Variants in STRBP observed in about 807,000 individuals in gnomAD.
STRBP encodes the protein spermatid perinuclear RNA-binding protein.
In STRBP, 13 loss-of-function variants were observed where a neutral mutation model predicts 80.1. That is an observed-to-expected ratio of 0.16 (90% CI 0.11 to 0.26). STRBP has a LOEUF of 0.26. Ranked by LOEUF, STRBP falls within the 10% of genes least tolerant of loss-of-function variation. STRBP has a pLI of 1.00. For synonymous variants in STRBP, 284 were observed against 291.2 expected (o/e 0.98, Z 0.25); for missense variants, 485 against 815.2 (o/e 0.59, Z 4.93).
chr9:123,251,231 C>T (rs1209771056), intron 1 of STRBP, among the ~76,000 whole-genome samples: 1 of 151,362 alleles, frequency 6.6e-6, no homozygotes, highest in Non-Finnish European at 1.5e-5. Context: ...CTCCCTCTCT[C>T]AAAGAAGAAG....
chr9:123,225,950 C>T (rs904879464), intron 2 of STRBP, among the ~76,000 whole-genome samples: 31 of 152,292 alleles, frequency 2.0e-4, no homozygotes, highest in African/African-American at 7.0e-4. Context: ...CTCCCACACC[C>T]AAGGTATTTG....
intron 2 of STRBP, among the ~76,000 whole-genome samples, chr9:123,212,859 G>C (rs2039758989): frequency 2.0e-5 from 3 of 152,154 alleles, no homozygotes; most frequent in African/African-American, 7.2e-5. Flanking sequence ...CAAAATCTCA[G>C]TATTTCACAG....
chr9:123,252,071 A>G (rs1162958892), intron 1 of STRBP, among the ~76,000 whole-genome samples: 1 of 151,826 alleles, frequency 6.6e-6, no homozygotes, highest in Non-Finnish European at 1.5e-5. Flanking sequence ...CAATGAAGGT[A>G]TTTGCCAGGC....
rs140900498 is a variant in STRBP, at chr9:123,179,198, A to G, written c.33T>C (p.Asp11=). The G allele has an allele frequency of 7.9e-5, 127 of 1,609,802 alleles. No individual in the cohort carries two copies. In the African/African-American group the frequency reaches 1.2e-3, roughly 16 times the overall value. The change falls in exon 4 of 19, where the codon GAT becomes GAC. Residue 11 remains aspartate (D), a synonymous_variant. Coordinates refer to ENST00000348403, the MANE Select transcript of STRBP (RefSeq NM_018387.5). MRSIRSFAND[D]RHVMVKHSTI... ...TTGAATGTTTCACCATAACATGGCG[A>G]TCATCATTAGCAAAAGATCGAATAG...
chr9:123,170,140 A>G (rs2037946243), intron 5 of STRBP, 94 bp from the exon 6 acceptor site: 2 of 1,243,132 alleles, frequency 1.6e-6, no homozygotes, highest in East Asian at 5.5e-5. Context: ...CTCGAATGTT[A>G]CTATTAATAT....
chr9:123,121,242 A>C (rs1431311817), downstream of STRBP: 1 of 152,264 alleles, frequency 6.6e-6, no homozygotes, highest in Non-Finnish European at 1.5e-5. Context: ...TGAGTCATCA[A>C]AAGAAACTGC....
chr9:123,261,553 G>C (rs1182165881), intron 1 of STRBP, among the ~76,000 whole-genome samples: 2 of 152,082 alleles, frequency 1.3e-5, no homozygotes, highest in African/African-American at 4.8e-5. Flanking sequence ...AACTTCAAAA[G>C]TCAATGTTGT....
At chr9:123,237,137 A>G (rs1468836400) in intron 1 of STRBP, among the ~76,000 whole-genome samples, 171 bp from the exon 2 acceptor site, 1 of 152,178 alleles carries the variant, frequency 6.6e-6, no homozygotes, top group African/African-American at 2.4e-5. Flanking sequence ...ACTCCATCTC[A>G]ATAACAACAA....
At chr9:123,113,199 A>G (rs1431438929) in intron 3 of STRBP, 1 of 167,236 alleles carries the variant, frequency 6.0e-6, no homozygotes, top group Non-Finnish European at 1.5e-5. Flanking sequence ...AGCCAGTGAC[A>G]TTTCTAATAA....
chr9:123,173,313 G>A (rs534300101), intron 5 of STRBP, among the ~76,000 whole-genome samples: 3 of 152,278 alleles, frequency 2.0e-5, no homozygotes, highest in East Asian at 1.9e-4. Flanking sequence ...TCTCTTAGTC[G>A]CTAGAAAGTA....
At chr9:123,227,607 T>C (rs1416272504) in intron 2 of STRBP, among the ~76,000 whole-genome samples, 4 of 144,806 alleles carry the variant, frequency 2.8e-5, no homozygotes, top group African/African-American at 1.0e-4. Flanking sequence ...ACTCTGTCGC[T>C]CAGGCTGGAG....
chr9:123,255,082 T>A (rs919916831), intron 1 of STRBP, among the ~76,000 whole-genome samples: 2 of 152,208 alleles, frequency 1.3e-5, no homozygotes, highest in African/African-American at 4.8e-5. Flanking sequence ...TTTTTGTCTA[T>A]CATCTTTGGG....
chr9:123,230,613 A>G (rs2040369966), intron 2 of STRBP, among the ~76,000 whole-genome samples: 1 of 152,202 alleles, frequency 6.6e-6, no homozygotes, highest in Non-Finnish European at 1.5e-5. Flanking sequence ...TCCAGACTAC[A>G]TCACCCAATT....
chr9:123,119,304 G>A (rs994515779), downstream of STRBP, among the ~76,000 whole-genome samples: 8 of 151,902 alleles, frequency 5.3e-5, no homozygotes, highest in African/African-American at 1.2e-4. Flanking sequence ...AATTATTAAT[G>A]CACTGGTTGG....
chr9:123,148,672 C>T (rs1028146395), intron 11 of STRBP, among the ~76,000 whole-genome samples: 2 of 152,148 alleles, frequency 1.3e-5, no homozygotes, highest in African/African-American at 4.8e-5. Context: ...TATTCTTCTG[C>T]CTCTTCAAAT....
At chr9:123,220,742 G>A (rs1461537639) in intron 2 of STRBP, among the ~76,000 whole-genome samples, 8 of 152,146 alleles carry the variant, frequency 5.3e-5, no homozygotes, top group Non-Finnish European at 1.0e-4. Flanking sequence ...CCAAATAACT[G>A]AGGAGAAAAC....
intron 5 of STRBP, among the ~76,000 whole-genome samples, chr9:123,172,318 C>T (rs1447472913): frequency 2.0e-5 from 3 of 152,004 alleles, no homozygotes; most frequent in Non-Finnish European, 4.4e-5. Context: ...AGATTAAATG[C>T]TAAAACAAAA....
chr9:123,254,027 T>TA (rs1050708854), intron 1 of STRBP, among the ~76,000 whole-genome samples: 2 of 150,258 alleles, frequency 1.3e-5, no homozygotes, highest in Non-Finnish European at 3.0e-5. Flanking sequence ...GTTAGCCTTT[T>TA]AAAAAAACGT....
Position 123,122,565 on chromosome 9 carries a change from A to AC in STRBP, c.*3031dup, listed in dbSNP as rs939667452. The AC allele has an allele frequency of 1.8e-6, 2 of 1,127,870 alleles. No homozygotes were observed. The highest frequency in any genetic ancestry group is 4.4e-5 in the Admixed American group (1 of 22,766). The allele number at this position is 1,127,870 out of a possible 1,614,324, so 69.9% of individuals were successfully genotyped here. A position where few individuals can be genotyped will look rare whatever the true frequency, so the allele number is the denominator to read the frequency against. ...CTATATAAACTCAACTCCTTACTTC[A>AC]CCACCCATGCACTTCATCTAGTCAG... On this transcript the variant is annotated 3_prime_UTR_variant, in exon 19 of 19. Transcript: ENST00000348403.
Sources: allele counts gnomAD v4.1 joint callset (sites outside exome capture counted in the v4.1 genomes callset), GRCh38; gene constraint gnomAD v4.1.1; transcripts MANE v1.5; gene names NCBI Gene and HGNC (gene_info 2026-07-23, HGNC 2026-07-21).